Variants in TRPM3 observed in about 807,000 individuals in gnomAD.
TRPM3 encodes long transient receptor potential channel 3.
In TRPM3, 77 loss-of-function variants were observed where a neutral mutation model predicts 181.2. The ratio of observed to expected loss-of-function variants is 0.42; its 90% CI spans 0.35 to 0.51. The LOEUF is 0.51. TRPM3 is among the 20% of genes least tolerant of loss of function. The pLI is 0.01. For synonymous variants in TRPM3, 745 were observed against 796.4 expected (o/e 0.94, Z 1.09); for missense variants, 1,759 against 2,196.7 (o/e 0.80, Z 3.98).
At chr9:70,841,661 T>TGTATATAA (rs1339698170) in intron 5 of TRPM3, among the ~76,000 whole-genome samples, 13 of 86,094 alleles carry the variant, frequency 1.5e-4, no homozygotes, top group Admixed American at 5.0e-4. Flanking sequence ...TATATATATA[T>TGTATATAA]CCCACCATAT....
At chr9:71,443,426 T>A (rs985226596) in intron 1 of TRPM3, among the ~76,000 whole-genome samples, 8 of 152,184 alleles carry the variant, frequency 5.3e-5, no homozygotes, top group African/African-American at 1.9e-4. Context: ...GCATTTTAAA[T>A]GCCACTATTA....
intron 1 of TRPM3, among the ~76,000 whole-genome samples, chr9:71,367,739 G>A (rs1300302718): frequency 6.6e-6 from 1 of 152,088 alleles, no homozygotes; most frequent in African/African-American, 2.4e-5. Flanking sequence ...CAAGGTATGA[G>A]GAATTAGCAA....
intron 19 of TRPM3, among the ~76,000 whole-genome samples, chr9:70,607,220 A>C (rs1422160763): frequency 6.6e-6 from 1 of 152,224 alleles, no homozygotes; most frequent in Non-Finnish European, 1.5e-5. Context: ...CCTACCTTTC[A>C]GAAACTTGGG....
rs369140768 is a variant in TRPM3, at chr9:71,168,563, T to C, written c.183+278090A>G. Among the ~76,000 whole-genome samples, 45 of 106,486 alleles carry C rather than the reference T, an allele frequency of 4.2e-4. 1 individual carries two copies. Among genetic ancestry groups the C allele is most frequent in the African/African-American group, 1.6e-3 (44 of 28,280 alleles). The allele number at this position is 106,486 out of a possible 152,430, so 69.9% of individuals were successfully genotyped here. A position where few individuals can be genotyped will look rare whatever the true frequency, so the allele number is the denominator to read the frequency against. The stretch of plus-strand genomic sequence containing the variant: ...TTATTTATTTATTTATTTATTTATT[T>C]ATTTATTTATTTTTGTTTTTTATTT... On this transcript the variant is annotated intron_variant, in intron 1 of 24. Coordinates refer to the TRPM3 transcript ENST00000357533.
chr9:71,263,157 CA>C (rs1358867031), intron 1 of TRPM3, among the ~76,000 whole-genome samples: 9 of 152,278 alleles, frequency 5.9e-5, no homozygotes, highest in Non-Finnish European at 1.2e-4. Context: ...AAAACTATTA[CA>C]ATCCTGATTT....
At chr9:70,893,307 G>A (rs1032611940) in intron 1 of TRPM3, among the ~76,000 whole-genome samples, 1 of 152,130 alleles carries the variant, frequency 6.6e-6, no homozygotes, top group Admixed American at 6.5e-5. Flanking sequence ...GAAAACTTGG[G>A]TAATTCACTT....
At chr9:71,257,992 A>T (rs999441420) in intron 1 of TRPM3, among the ~76,000 whole-genome samples, 1 of 152,200 alleles carries the variant, frequency 6.6e-6, no homozygotes, top group Non-Finnish European at 1.5e-5. Flanking sequence ...GTACTCATTC[A>T]GTAAGTATTT....
chr9:71,298,239 T>C (rs2086463704), intron 1 of TRPM3, among the ~76,000 whole-genome samples: 1 of 152,200 alleles, frequency 6.6e-6, no homozygotes, highest in South Asian at 2.1e-4. Flanking sequence ...TCTGGAAATC[T>C]TTAACGTTTG....
chr9:70,909,316 C>T (rs1255702014), intron 1 of TRPM3, among the ~76,000 whole-genome samples: 2 of 152,192 alleles, frequency 1.3e-5, no homozygotes, highest in Admixed American at 1.3e-4. Context: ...TAGGACCTTA[C>T]ATTTCTATGT....
intron 1 of TRPM3, among the ~76,000 whole-genome samples, chr9:71,243,662 A>T (rs1277465600): frequency 6.6e-6 from 1 of 152,220 alleles, no homozygotes; most frequent in Non-Finnish European, 1.5e-5. Flanking sequence ...TATTATTATT[A>T]GCAAGACCTT....
intron 1 of TRPM3, among the ~76,000 whole-genome samples, chr9:71,074,111 A>G (rs2063132419): frequency 6.6e-6 from 1 of 152,224 alleles, no homozygotes; most frequent in South Asian, 2.1e-4. Flanking sequence ...TGTTAACAAT[A>G]TAATTCACCA....
At position 70,795,385 on chromosome 9, in the gene TRPM3, G is replaced by T. The variant is rs148709772; in HGVS notation, c.974-11106C>A. Among the ~76,000 whole-genome samples, 1,309 of 152,192 alleles carry T rather than the reference G, an allele frequency of 8.6e-3. 17 individuals carry two copies. Among genetic ancestry groups the T allele is most frequent in the Non-Finnish European group, 0.013 (872 of 68,016 alleles). ...TTTATATCTATTAAGCTTATACAAA[G>T]TTTCTCGTTTGAATGTATAAATGAT... On this transcript the variant is annotated intron_variant, in intron 6 of 25. Coordinates refer to ENST00000677713, the MANE Select transcript of TRPM3 (RefSeq NM_001366145.2).
intron 9 of TRPM3, among the ~76,000 whole-genome samples, chr9:70,647,863 A>C (rs1208619142): frequency 6.6e-6 from 1 of 152,238 alleles, no homozygotes; most frequent in Admixed American, 6.5e-5. Context: ...TACAAAATAA[A>C]TGTATAAAAA....
Position 70,618,967 on chromosome 9 carries a change from GC to G in TRPM3, c.2257del (p.Ala753LeufsTer35), listed in dbSNP as rs775591221. 1 of 1,614,148 alleles carries G rather than the reference GC, an allele frequency of 6.2e-7. No homozygotes were observed. The highest frequency in any genetic ancestry group is 8.5e-7 in the Non-Finnish European group (1 of 1,180,028). On this transcript the variant is annotated frameshift_variant, in exon 17 of 26. Coordinates refer to ENST00000677713, the MANE Select transcript of TRPM3 (RefSeq NM_001366145.2). LOFTEE classifies it high-confidence loss of function. ...CGCGATGAAGTCGCGGTGTTTGGCA[GC>G]CACGGCAAGCTGCAGGCACGTGGCG... ...SNATCLQLAVAAKHRDFIAHT... is the reference protein window; with the variant it reads ...SNATCLQLAVXAKHRDFIAHT...
At chr9:71,224,391 C>T (rs908997764) in intron 1 of TRPM3, among the ~76,000 whole-genome samples, 14 of 152,224 alleles carry the variant, frequency 9.2e-5, no homozygotes, top group Admixed American at 6.5e-5. Flanking sequence ...GATCGCAACA[C>T]CCAAGTCTCT....
intron 1 of TRPM3, among the ~76,000 whole-genome samples, chr9:71,048,186 A>G (rs1041041213): frequency 2.0e-5 from 3 of 152,216 alleles, no homozygotes; most frequent in Admixed American, 6.5e-5. Flanking sequence ...TTAAAGGAAG[A>G]AGAGTATACA....
chr9:70,986,019 G>T (rs2097417941), intron 1 of TRPM3, among the ~76,000 whole-genome samples: 1 of 152,046 alleles, frequency 6.6e-6, no homozygotes, highest in African/African-American at 2.4e-5. Context: ...ATACTTTGTG[G>T]GTCTAACTTC....
chr9:70,779,508 C>T (rs1039678001), intron 7 of TRPM3, among the ~76,000 whole-genome samples: 1 of 152,144 alleles, frequency 6.6e-6, no homozygotes, highest in Admixed American at 6.6e-5. Context: ...CACTGATTGA[C>T]AAGTGACAGG....
At chr9:71,136,935 T>C (rs1360748391) in intron 1 of TRPM3, among the ~76,000 whole-genome samples, 1 of 152,088 alleles carries the variant, frequency 6.6e-6, no homozygotes, top group Non-Finnish European at 1.5e-5. Context: ...TTAAAGCGGA[T>C]GGAGTGAGGG....
Sources: gnomAD v4.1 joint callset for allele counts (sites outside exome capture counted in the v4.1 genomes callset) on GRCh38, gnomAD v4.1.1 for gene constraint, MANE v1.5 for transcripts, NCBI Gene and HGNC (gene_info 2026-07-23, HGNC 2026-07-21) for gene names.